YTHDC2: variants seen among roughly 807,000 people sequenced by gnomAD.
The protein encoded by YTHDC2 is YTH N6-methyladenosine RNA binding protein C2, also known as 3'-5' RNA helicase YTHDC2.
YTHDC2 carries 45 observed loss-of-function variants against 174.9 expected under a neutral mutation model. The observed-to-expected ratio is 0.26, with a 90% CI of 0.20 to 0.33. The LOEUF (loss-of-function observed/expected upper bound fraction) is 0.33. Ranked by LOEUF, YTHDC2 falls within the 10% of genes least tolerant of loss-of-function variation. The pLI, the probability that YTHDC2 is intolerant of heterozygous loss-of-function variation, is 1.00. For synonymous variants in YTHDC2, 657 were observed against 574.5 expected, an observed-to-expected ratio of 1.14 and a Z score of -2.05; for missense variants, 1,650 against 1,723.7, an observed-to-expected ratio of 0.96 and a Z score of 0.76.
intron 12 of YTHDC2, among the ~76,000 whole-genome samples, chr5:113,552,777 A>G (rs1776334330): frequency 6.6e-6 from 1 of 152,122 alleles, no homozygotes; most frequent in Admixed American, 6.6e-5. Flanking sequence ...CATTTCCACC[A>G]GCAATGCATG....
At chr5:113,561,702 C>T (rs1298461023) in intron 18 of YTHDC2, among the ~76,000 whole-genome samples, 4 of 151,870 alleles carry the variant, frequency 2.6e-5, no homozygotes, top group Non-Finnish European at 5.9e-5. Flanking sequence ...CTCTTGACCT[C>T]ATGATTCACC....
intron 2 of YTHDC2, 95 bp downstream of exon 2, chr5:113,515,457 T>A: frequency 1.0e-6 from 1 of 986,010 alleles, no homozygotes; most frequent in Non-Finnish European, 1.5e-6. Context: ...TTATTACTGT[T>A]TTAACTTCAC....
rs1399118204 is a variant in YTHDC2 at position 113,540,117 on chromosome 5, G to T, written c.1211-851G>T. On this transcript the variant is annotated intron_variant, in intron 8 of 29. Transcript: ENST00000161863. Reference sequence around the variant, plus strand: ...CGCCCAGGCTGGTCTTGAACTCCTGGCCTCAAGCAATCCTCTTGCCTCAGT... The same window carrying T: ...CGCCCAGGCTGGTCTTGAACTCCTGTCCTCAAGCAATCCTCTTGCCTCAGT... 2.0e-5 allele frequency among the ~76,000 whole-genome samples: 3 copies of T among 152,212 alleles called. No individual in the cohort carries two copies. In the East Asian group the frequency reaches 5.8e-4, roughly 29 times the overall value.
At chr5:113,518,970 C>T (rs1356200193) in intron 2 of YTHDC2, among the ~76,000 whole-genome samples, 8 of 152,150 alleles carry the variant, frequency 5.3e-5, no homozygotes, top group Non-Finnish European at 8.8e-5. Flanking sequence ...TGGCCTCAAA[C>T]GCCTAGGCTC....
chr5:113,535,528 C>T, intron 6 of YTHDC2, 114 bp from the exon 7 acceptor site: 1 of 987,038 alleles, frequency 1.0e-6, no homozygotes, highest in Non-Finnish European at 1.4e-6. Context: ...TATTGATTGG[C>T]CTTGTCCACA....
At chr5:113,559,056 G>A (rs1424360669) in intron 17 of YTHDC2, among the ~76,000 whole-genome samples, 1 of 152,140 alleles carries the variant, frequency 6.6e-6, no homozygotes, top group African/African-American at 2.4e-5. Flanking sequence ...CTTCAGGGGA[G>A]AGGGTAGTGT....
At chr5:113,536,264 G>A (rs1446375111) in intron 7 of YTHDC2, among the ~76,000 whole-genome samples, 2 of 152,162 alleles carry the variant, frequency 1.3e-5, no homozygotes, top group Non-Finnish European at 2.9e-5. Flanking sequence ...GGGGGCTCAC[G>A]CCTGTAATCC....
intron 24 of YTHDC2, 151 bp downstream of exon 24, chr5:113,579,846 C>T: frequency 2.3e-6 from 3 of 1,300,340 alleles, no homozygotes; most frequent in East Asian, 3.0e-5. Context: ...CTCATTCATT[C>T]TCTTCTGTAT....
chr5:113,515,265 C>G lies in YTHDC2; in HGVS notation c.188-7C>G. On this transcript the variant is annotated splice_polypyrimidine_tract_variant and splice_region_variant and intron_variant, in intron 1 of 29. Coordinates refer to ENST00000161863, the MANE Select transcript of YTHDC2 (RefSeq NM_022828.5). ...AAATTTTACTACTTTGTTTTTTTTC[C>G]GTGTAGAAATGGAATTTCCTTCTTC... 1 of 1,587,446 alleles carries G rather than the reference C, an allele frequency of 6.3e-7. No individual in the cohort carries two copies. Among genetic ancestry groups the G allele is most frequent in the Non-Finnish European group, 8.5e-7 (1 of 1,171,336 alleles).
intron 26 of YTHDC2, 149 bp from the exon 27 acceptor site, chr5:113,590,892 G>A: frequency 1.5e-6 from 1 of 661,062 alleles, no homozygotes. Flanking sequence ...TGAGTCTTGT[G>A]TAGGTTTCAG....
intron 25 of YTHDC2, chr5:113,582,908 C>T (rs1778480924): frequency 6.6e-6 from 1 of 152,016 alleles, no homozygotes; most frequent in African/African-American, 2.4e-5. Flanking sequence ...GGTCTAGACC[C>T]TGCTGAGAAA....
At chr5:113,577,074 A>C (rs1328734750) in intron 23 of YTHDC2, among the ~76,000 whole-genome samples, 3 of 152,188 alleles carry the variant, frequency 2.0e-5, no homozygotes, top group African/African-American at 7.2e-5. Flanking sequence ...TTTATTAAAC[A>C]GTTCTTATAT....
chr5:113,540,614 A>G (rs941443090), intron 8 of YTHDC2, among the ~76,000 whole-genome samples: 4 of 152,198 alleles, frequency 2.6e-5, no homozygotes, highest in African/African-American at 9.7e-5. Flanking sequence ...TAAAACCATC[A>G]GATCTCGTGA....
chr5:113,529,194 C>T (rs1459716103), intron 4 of YTHDC2, among the ~76,000 whole-genome samples: 1 of 152,136 alleles, frequency 6.6e-6, no homozygotes, highest in South Asian at 2.1e-4. Flanking sequence ...TGTCTCATTT[C>T]AGCTTCTCAA....
chr5:113,532,313 CTT>C (rs1405125393), intron 4 of YTHDC2, among the ~76,000 whole-genome samples: 1 of 152,022 alleles, frequency 6.6e-6, no homozygotes, highest in East Asian at 1.9e-4. Context: ...ACAGTAGTTA[CTT>C]TTTTGGAGAA....
At chr5:113,531,441 T>G (rs4438867) in intron 4 of YTHDC2, among the ~76,000 whole-genome samples, 94,644 of 151,814 alleles carry the variant, frequency 0.62, 32,008 homozygotes, top group African/African-American at 0.9. Context: ...TGACATTGCC[T>G]ACCTCCTGAG....
At chr5:113,558,483 G>C (rs1449612324) in intron 17 of YTHDC2, among the ~76,000 whole-genome samples, 1 of 152,118 alleles carries the variant, frequency 6.6e-6, no homozygotes, top group Non-Finnish European at 1.5e-5. Flanking sequence ...AAGTAATGTT[G>C]GTGATTGATT....
rs118183513 is a variant in YTHDC2, at chr5:113,590,623, G to A, written c.3826-418G>A. On this transcript the variant is annotated intron_variant, in intron 26 of 29. Transcript: ENST00000161863. ...CATTGCCATGCACAGTAGCCACTTC[G>A]GTCTCTGAACTCCAGTGTCTTTCTG... Among the ~76,000 whole-genome samples, 334 of 152,254 alleles carry A rather than the reference G, an allele frequency of 2.2e-3. 3 individuals are homozygous for A. In the East Asian group the frequency reaches 0.028, roughly 13 times the overall value.
intron 10 of YTHDC2, among the ~76,000 whole-genome samples, chr5:113,543,866 G>A (rs1384833642): frequency 6.6e-6 from 1 of 152,074 alleles, no homozygotes; most frequent in Non-Finnish European, 1.5e-5. Context: ...TAATCACATG[G>A]CCCAATGCCT....
Sources: gnomAD v4.1 joint callset for allele counts (sites outside exome capture counted in the v4.1 genomes callset) on GRCh38, gnomAD v4.1.1 for gene constraint, MANE v1.5 for transcripts, NCBI Gene and HGNC (gene_info 2026-07-23, HGNC 2026-07-21) for gene names.